The following RUSC2 variants were observed in gnomAD, a reference collection of about 807,000 sequenced individuals.
The protein encoded by RUSC2 is AP-4 complex accessory subunit RUSC2.
In RUSC2, 34 loss-of-function variants were observed where a neutral mutation model predicts 122.2. The ratio of observed to expected loss-of-function variants is 0.28; its 90% CI spans 0.21 to 0.37. The LOEUF is 0.37. Ranked by LOEUF, RUSC2 falls within the 10% of genes least tolerant of loss-of-function variation. The pLI is 1.00. For synonymous variants in RUSC2, 784 were observed against 790.0 expected (o/e 0.99, Z 0.13); for missense variants, 1,747 against 1,952.4 (o/e 0.89, Z 1.98).
In RUSC2 at chr9:35,548,321, G is replaced by A; in HGVS notation, c.1800G>A (p.Met600Ile). ...GCTGTAGCCATAGCCTGCCACCCAT[G>A]CCTTTGGGGCCAGGCATGGACCTAC... ...GTCCSHSLPP[M>I]PLGPGMDLLG... The change falls in exon 2 of 12, where the codon ATG (methionine) becomes ATA (isoleucine). Residue 600 changes from methionine to isoleucine, a missense_variant. Transcript: ENST00000361226. The surrounding 1 kb of genome is among the most constrained non-coding windows in gnomAD (Gnocchi z 4.5). The A allele has an allele frequency of 6.2e-7, 1 of 1,614,070 alleles. No homozygotes were observed. The highest frequency in any genetic ancestry group is 8.5e-7 in the Non-Finnish European group (1 of 1,180,022).
chr9:35,514,259 A>C (rs1360421549), intron 1 of RUSC2, among the ~76,000 whole-genome samples: 1 of 152,100 alleles, frequency 6.6e-6, no homozygotes, highest in Non-Finnish European at 1.5e-5. Flanking sequence ...GGGAAGGGCC[A>C]TTGGATTTGG....
chr9:35,552,845 G>T (rs138183647), intron 2 of RUSC2, among the ~76,000 whole-genome samples: 1 of 152,304 alleles, frequency 6.6e-6, no homozygotes, highest in East Asian at 1.9e-4. Context: ...TTCCCTGAGG[G>T]TAGAACTAAG....
chr9:35,520,268 C>T (rs1821187364), intron 1 of RUSC2, among the ~76,000 whole-genome samples: 1 of 152,116 alleles, frequency 6.6e-6, no homozygotes, highest in Non-Finnish European at 1.5e-5. Flanking sequence ...CAGACCATGA[C>T]TCCTCTGTAG....
Position 35,561,217 on chromosome 9 carries a change from C to T in RUSC2, c.4386C>T (p.Gly1462=), listed in dbSNP as rs781119783. The change falls in exon 12 of 12, where the codon GGC becomes GGT. Residue 1462 remains glycine (G), a synonymous_variant. Coordinates refer to ENST00000361226, the MANE Select transcript of RUSC2 (RefSeq NM_014806.5). ...VQALCHHLAT[G]PGQLSFHKGD... The stretch of plus-strand genomic sequence containing the variant: ...CACTGTGCCACCACCTGGCCACCGG[C>T]CCTGGACAGCTGAGCTTCCACAAAG... 9.9e-6 allele frequency: 16 copies of T among 1,614,180 alleles called. No homozygotes were observed. The highest frequency in any genetic ancestry group is 1.6e-4 in the Middle Eastern group (1 of 6,062).
Position 35,511,236 on chromosome 9 carries a change from G to T in RUSC2, c.-93+21064G>T, listed in dbSNP as rs113581625. On this transcript the variant is annotated intron_variant, in intron 1 of 11. Coordinates refer to ENST00000361226, the MANE Select transcript of RUSC2 (RefSeq NM_014806.5). ...AGCTACTCAGCAGTCCCTATTGGAA[G>T]CAGCTAATAGGACAGAGTTGAAGAC... is the stretch of plus-strand genomic sequence containing the variant. Among the ~76,000 whole-genome samples, 892 of 152,282 alleles carry T rather than the reference G, an allele frequency of 5.9e-3. 16 individuals are homozygous for T. The highest frequency in any genetic ancestry group is 0.021 in the African/African-American group (855 of 41,548).
At chr9:35,551,450 G>C (rs1452014909) in intron 2 of RUSC2, among the ~76,000 whole-genome samples, 2 of 152,192 alleles carry the variant, frequency 1.3e-5, no homozygotes, top group Admixed American at 1.3e-4. Context: ...GATCTCTAGG[G>C]AAGGGGCAGG....
chr9:35,508,254 G>A (rs564900820), intron 1 of RUSC2, among the ~76,000 whole-genome samples: 1 of 152,222 alleles, frequency 6.6e-6, no homozygotes, highest in South Asian at 2.1e-4. Flanking sequence ...TCCCTCCCTG[G>A]CGCTCTGGAT....
At chr9:35,532,718 CTG>C (rs1234621974) in intron 1 of RUSC2, among the ~76,000 whole-genome samples, 1 of 151,702 alleles carries the variant, frequency 6.6e-6, no homozygotes, top group Admixed American at 6.6e-5. Context: ...GCATTCCAGC[CTG>C]GGTGACAGAG....
intron 1 of RUSC2, among the ~76,000 whole-genome samples, chr9:35,535,829 C>T (rs1189746014): frequency 6.6e-6 from 1 of 152,150 alleles, no homozygotes; most frequent in African/African-American, 2.4e-5. Context: ...CATGAGCCAC[C>T]GTGCCCGGCC....
chr9:35,492,625 A>G (rs1218446848), intron 1 of RUSC2, among the ~76,000 whole-genome samples: 4 of 152,156 alleles, frequency 2.6e-5, no homozygotes, highest in Non-Finnish European at 5.9e-5. Flanking sequence ...AACAACAACA[A>G]AATAACTCAG....
intron 1 of RUSC2, among the ~76,000 whole-genome samples, chr9:35,502,030 T>C (rs1820825613): frequency 6.6e-6 from 1 of 152,196 alleles, no homozygotes. Flanking sequence ...CTTTGAGTAC[T>C]GTTGGTCTCT....
chr9:35,524,218 G>A (rs1457659500), intron 1 of RUSC2, among the ~76,000 whole-genome samples: 2 of 151,342 alleles, frequency 1.3e-5, no homozygotes, highest in Non-Finnish European at 3.0e-5. Flanking sequence ...AGCACCTCAG[G>A]AGGCTGTGGG....
At chr9:35,535,067 AG>A (rs1821494833) in intron 1 of RUSC2, among the ~76,000 whole-genome samples, 1 of 151,898 alleles carries the variant, frequency 6.6e-6, no homozygotes, top group Admixed American at 6.6e-5. Flanking sequence ...ATCATGTCTA[AG>A]AATGTGTTGC....
Position 35,560,975 on chromosome 9 carries a change from G to T in RUSC2, c.4227G>T (p.Trp1409Cys). ...CTGTCCCTAGGCTCCCCTCGGACTG[G>T]CTGAGCCTGGACAAGTCCATGTTCC... ...ARPTNRLPSD[W>C]LSLDKSMFQL... The change falls in exon 11 of 12, where the codon TGG becomes TGT. Residue 1409 changes from tryptophan (W) to cysteine (C), a missense_variant. Transcript: ENST00000361226. The T allele has an allele frequency of 6.2e-7, 1 of 1,614,140 alleles. No homozygotes were observed. The highest frequency in any genetic ancestry group is 8.5e-7 in the Non-Finnish European group (1 of 1,179,990).
rs186512515 is a variant in RUSC2, at chr9:35,547,077, G to T, written c.556G>T (p.Gly186Cys). Residue 186 changes from glycine to cysteine, a missense_variant, in exon 2 of 12, where the codon GGC becomes TGC. By Grantham distance (159) the Gly-to-Cys change is radical. Transcript: ENST00000361226. The surrounding 1 kb of genome is among the most constrained non-coding windows in gnomAD (Gnocchi z 4.6). ...GATGACCTTGGATACTCAGCAGTGCGGCACCAGCCACTGCTGCCGGCCAGA... is the reference window on the plus strand; with the variant it reads ...GATGACCTTGGATACTCAGCAGTGCTGCACCAGCCACTGCTGCCGGCCAGA... ...PVMTLDTQQC[G>C]TSHCCRPELE... 2 of 1,613,712 alleles carry T rather than the reference G, an allele frequency of 1.2e-6. No individual in the cohort carries two copies. The highest frequency in any genetic ancestry group is 1.6e-4 in the Middle Eastern group (1 of 6,082).
chr9:35,552,986 AG>A (rs890809397), intron 2 of RUSC2, among the ~76,000 whole-genome samples: 23 of 152,206 alleles, frequency 1.5e-4, no homozygotes, highest in African/African-American at 5.3e-4. Flanking sequence ...TACTTTGTAT[AG>A]GGGGTATAAT....
At chr9:35,495,030 T>TATATATACTATAGTATA (rs1820656591) in intron 1 of RUSC2, among the ~76,000 whole-genome samples, 3 of 86,742 alleles carry the variant, frequency 3.5e-5, no homozygotes, top group Non-Finnish European at 6.5e-5. Flanking sequence ...TTTTATATAT[T>TATATATACTATAGTATA]ATATATACTA....
At chr9:35,560,911 C>G in intron 10 of RUSC2, 49 bp from the exon 11 acceptor site, 1 of 1,595,390 alleles carries the variant, frequency 6.3e-7, no homozygotes, top group Non-Finnish European at 8.5e-7. Context: ...AGCCAGGGCA[C>G]GGGCAGAGCC....
chr9:35,558,417 C>T lies in RUSC2; in HGVS notation c.3236-45C>T, dbSNP rs2131702098. ...CGGGGACCCAGGGCTGAATTTAGGG[C>T]TCCAGAAATTGGTCATGTGACCTGC... On this transcript the variant is annotated intron_variant, in intron 7 of 11. Coordinates refer to ENST00000361226, the MANE Select transcript of RUSC2 (RefSeq NM_014806.5). This position sits in a 1 kb window ranked among gnomAD's most constrained non-coding sequence, Gnocchi z 4.3. 1 of 1,613,796 alleles carries T rather than the reference C, an allele frequency of 6.2e-7. No homozygotes were observed. The highest frequency in any genetic ancestry group is 8.5e-7 in the Non-Finnish European group (1 of 1,179,728).
Sources: allele counts gnomAD v4.1 joint callset (sites outside exome capture counted in the v4.1 genomes callset), GRCh38; gene constraint gnomAD v4.1.1; non-coding constraint Gnocchi (gnomAD v3.1); transcripts MANE v1.5; gene names NCBI Gene and HGNC (gene_info 2026-07-23, HGNC 2026-07-21).